Variants in HEMK2 observed in about 807,000 individuals in gnomAD.
HEMK2 encodes HemK methyltransferase 2, ETF1 glutamine and histone H4 lysine, also known as methyltransferase HEMK2.
chr21:28,701,475 A>T, the HEMK2 span, among the ~76,000 whole-genome samples: 2 of 151,948 alleles, frequency 1.3e-5, no homozygotes, highest in African/African-American at 4.8e-5. Context: ...TACAAAAATC[A>T]GTATCATTCC....
the HEMK2 span, among the ~76,000 whole-genome samples, chr21:28,854,205 T>C: frequency 2.0e-5 from 3 of 152,196 alleles, no homozygotes; most frequent in Non-Finnish European, 4.4e-5. Context: ...AGTATACAGT[T>C]GCTAAGTTCC....
chr21:28,797,447 A>C, the HEMK2 span, among the ~76,000 whole-genome samples: 1 of 142,906 alleles, frequency 7.0e-6, no homozygotes. Flanking sequence ...AAAAACAAAA[A>C]AAAAAAACAA....
the HEMK2 span, among the ~76,000 whole-genome samples, chr21:28,599,107 G>C: frequency 6.6e-6 from 1 of 152,210 alleles, no homozygotes; most frequent in African/African-American, 2.4e-5. Flanking sequence ...AAATATAGTT[G>C]AGAGGATTCA....
chr21:28,663,378 T>C, the HEMK2 span, among the ~76,000 whole-genome samples: 1 of 152,210 alleles, frequency 6.6e-6, no homozygotes, highest in African/African-American at 2.4e-5. Flanking sequence ...GAAATCTGGA[T>C]TTTTATGTGA....
At chr21:28,843,721 G>A in the HEMK2 span, among the ~76,000 whole-genome samples, 1 of 152,100 alleles carries the variant, frequency 6.6e-6, no homozygotes, top group Non-Finnish European at 1.5e-5. Context: ...TGTGAAGTCT[G>A]AGGAGTATAT....
chr21:28,850,709 A>G, the HEMK2 span, among the ~76,000 whole-genome samples: 2 of 152,208 alleles, frequency 1.3e-5, no homozygotes, highest in Admixed American at 6.5e-5. Flanking sequence ...CCACAAAAAC[A>G]CACTTAAGTA....
chr21:28,689,055 G>A, the HEMK2 span, among the ~76,000 whole-genome samples: 1 of 151,998 alleles, frequency 6.6e-6, no homozygotes, highest in African/African-American at 2.4e-5. Context: ...TGCCCACCCC[G>A]GTGTAGATAA....
chr21:28,826,870 T>C, the HEMK2 span, among the ~76,000 whole-genome samples: 1 of 152,138 alleles, frequency 6.6e-6, no homozygotes, highest in Non-Finnish European at 1.5e-5. Context: ...GAACCTGGCA[T>C]AACCAGCATC....
the HEMK2 span, among the ~76,000 whole-genome samples, chr21:28,857,231 TTTG>T: frequency 2.0e-3 from 304 of 152,278 alleles, 1 homozygote; most frequent in African/African-American, 7.0e-3. Flanking sequence ...TTTTATTGAA[TTTG>T]TTATTTAATT....
At chr21:28,660,151 A>G in the HEMK2 span, among the ~76,000 whole-genome samples, 3 of 151,906 alleles carry the variant, frequency 2.0e-5, no homozygotes, top group Non-Finnish European at 4.4e-5. Context: ...TCAAGCTGAA[A>G]TACAATGACT....
the HEMK2 span, chr21:28,878,085 A>C: frequency 1.0e-6 from 1 of 985,234 alleles, no homozygotes; most frequent in Non-Finnish European, 1.5e-6. Flanking sequence ...AACTGTTTTA[A>C]GTGATTCATT....
At chr21:28,785,168 CA>C in the HEMK2 span, among the ~76,000 whole-genome samples, 1 of 152,178 alleles carries the variant, frequency 6.6e-6, no homozygotes, top group African/African-American at 2.4e-5. Context: ...TCAGAAGGAA[CA>C]AACTCCGGAC....
the HEMK2 span, among the ~76,000 whole-genome samples, chr21:28,781,261 A>C: frequency 3.3e-5 from 5 of 152,246 alleles, no homozygotes; most frequent in African/African-American, 9.6e-5. Context: ...GTACTCCCTG[A>C]AAATTAGAAG....
the HEMK2 span, among the ~76,000 whole-genome samples, chr21:28,806,539 GA>G: frequency 6.6e-6 from 1 of 152,166 alleles, no homozygotes; most frequent in Non-Finnish European, 1.5e-5. Flanking sequence ...GGTCATGAAT[GA>G]ATTCTAATCC....
At chr21:28,642,720 CGGCCAG>C in the HEMK2 span, among the ~76,000 whole-genome samples, 1 of 152,206 alleles carries the variant, frequency 6.6e-6, no homozygotes, top group Non-Finnish European at 1.5e-5. Flanking sequence ...CAGCCATCTC[CGGCCAG>C]GGCCCTCTCT....
the HEMK2 span, among the ~76,000 whole-genome samples, chr21:28,871,688 TG>T: frequency 2.0e-5 from 3 of 152,190 alleles, no homozygotes; most frequent in African/African-American, 7.2e-5. Context: ...AACTGTTTGT[TG>T]TAAAACCAAT....
the HEMK2 span, among the ~76,000 whole-genome samples, chr21:28,820,438 C>A: frequency 1.6e-4 from 24 of 152,184 alleles, no homozygotes; most frequent in Non-Finnish European, 5.9e-5. Flanking sequence ...CCTCGACAGA[C>A]TTTTGTCACA....
chr21:28,762,149 G>A, the HEMK2 span, among the ~76,000 whole-genome samples: 10 of 152,088 alleles, frequency 6.6e-5, no homozygotes, highest in Non-Finnish European at 1.5e-4. Context: ...CACAAGAAGA[G>A]AGGAATGCTG....
At chr21:28,593,449 A>G in the HEMK2 span, among the ~76,000 whole-genome samples, 22,720 of 152,158 alleles carry the variant, frequency 0.15, 2,125 homozygotes, top group Non-Finnish European at 0.21. Flanking sequence ...AGTTGAAAGA[A>G]GTAACAACAT....
Sources: gnomAD v4.1 joint callset for allele counts (sites outside exome capture counted in the v4.1 genomes callset) on GRCh38, gnomAD v4.1.1 for gene constraint, MANE v1.5 for transcripts, NCBI Gene and HGNC (gene_info 2026-07-23, HGNC 2026-07-21) for gene names.